The following CEP63 variants were observed in gnomAD, a reference collection of about 807,000 sequenced individuals.
CEP63 encodes the protein centrosomal protein of 63 kDa.
In CEP63, 84 loss-of-function variants were observed where a neutral mutation model predicts 89.1. The observed-to-expected ratio is 0.94, with a 90% confidence interval of 0.79 to 1.13. CEP63 has a LOEUF of 1.13. CEP63 is among the 50% of genes most tolerant of loss of function. The pLI is 0.00. For synonymous variants in CEP63, 267 were observed against 272.5 expected, an observed-to-expected ratio of 0.98 and a Z score of 0.20; for missense variants, 838 against 813.3, an observed-to-expected ratio of 1.03 and a Z score of -0.37.
chr3:134,539,912 C>T (rs551452729), intron 6 of CEP63, among the ~76,000 whole-genome samples: 16 of 152,106 alleles, frequency 1.1e-4, no homozygotes, highest in African/African-American at 3.6e-4. Flanking sequence ...AAGAGATTTA[C>T]GATGAATAAA....
At chr3:134,660,123 A>G in the CEP63 span, among the ~76,000 whole-genome samples, 2 of 152,218 alleles carry the variant, frequency 1.3e-5, no homozygotes, top group Non-Finnish European at 2.9e-5. Context: ...TAATTCACAG[A>G]GAAATATTGA....
At chr3:134,578,339 T>TG (rs1560077899), downstream of CEP63, among the ~76,000 whole-genome samples, 52 of 138,200 alleles carry the variant, frequency 3.8e-4, 1 homozygote, top group East Asian at 1.5e-3. Context: ...TTTTTTTTTT[T>TG]TTTTTTTTGA....
At chr3:134,734,668 C>T in the CEP63 span, among the ~76,000 whole-genome samples, 1,632 of 152,114 alleles carry the variant, frequency 0.011, 71 homozygotes, top group Admixed American at 0.079. Context: ...CAAGAAGAAA[C>T]AGAAAATCAA....
the CEP63 span, among the ~76,000 whole-genome samples, chr3:134,721,827 T>A: frequency 6.6e-6 from 1 of 152,140 alleles, no homozygotes; most frequent in South Asian, 2.1e-4. Context: ...ATCCCACTTG[T>A]GCATAGTATA....
chr3:134,561,804 A>G lies in CEP63; in HGVS notation c.*269A>G. On this transcript the variant is annotated 3_prime_UTR_variant, in exon 15 of 15. Coordinates refer to ENST00000675561, the MANE Select transcript of CEP63 (RefSeq NM_001353108.3). ...TACGAATATTTATTATCATAAAGTG[A>G]TACTTACCTTGCTGACTTAAATGTG... is the stretch of plus-strand genomic sequence containing the variant. 3 of 1,247,926 alleles carry G rather than the reference A, an allele frequency of 2.4e-6. No homozygotes were observed. Among genetic ancestry groups the G allele is most frequent in the South Asian group, 3.5e-5 (2 of 56,908 alleles). 77.3% of individuals were successfully genotyped at this position (1,247,926 alleles called of 1,614,324 possible). A position where few individuals can be genotyped will look rare whatever the true frequency, so the allele number is the denominator to read the frequency against.
chr3:134,568,834 T>C (rs1577486907), downstream of CEP63, among the ~76,000 whole-genome samples: 1 of 152,340 alleles, frequency 6.6e-6, no homozygotes, highest in East Asian at 1.9e-4. Context: ...TTAAGTGTTT[T>C]ATTAGTCCAT....
rs527554669 is a variant in CEP63 at position 134,520,062 on chromosome 3, T to G, written c.223-11783T>G. 5.9e-5 allele frequency among the ~76,000 whole-genome samples: 9 copies of G among 152,248 alleles called. No individual in the cohort carries two copies. The East Asian group carries it at 1.7e-3, about 29-fold the overall frequency. Reference sequence around the variant, plus strand: ...GTATCACCACTTTTTTTGTTGTTGTTATTGTAGTGGAGGTGTAGCTAGTGC... The same window carrying G: ...GTATCACCACTTTTTTTGTTGTTGTGATTGTAGTGGAGGTGTAGCTAGTGC... On this transcript the variant is annotated intron_variant, in intron 3 of 14. Coordinates refer to ENST00000675561, the MANE Select transcript of CEP63 (RefSeq NM_001353108.3).
chr3:134,701,907 C>A, the CEP63 span, among the ~76,000 whole-genome samples: 1 of 152,022 alleles, frequency 6.6e-6, no homozygotes, highest in Non-Finnish European at 1.5e-5. Flanking sequence ...ACAGTGAGAC[C>A]CTACATCCCT....
At chr3:134,738,158 A>G in the CEP63 span, among the ~76,000 whole-genome samples, 10 of 152,088 alleles carry the variant, frequency 6.6e-5, no homozygotes, top group African/African-American at 2.4e-4. Context: ...TTACTGAGTT[A>G]CTTCACTTAG....
chr3:134,653,531 A>C, the CEP63 span, among the ~76,000 whole-genome samples: 1 of 151,970 alleles, frequency 6.6e-6, no homozygotes, highest in African/African-American at 2.4e-5. Context: ...CTTAATGCCA[A>C]CTCTATTCCC....
chr3:134,606,776 A>G, the CEP63 span, among the ~76,000 whole-genome samples: 1 of 152,024 alleles, frequency 6.6e-6, no homozygotes, highest in East Asian at 1.9e-4. Flanking sequence ...CCACCCCTGC[A>G]GACCTCTATG....
At chr3:134,610,252 A>G in the CEP63 span, 3 of 1,613,946 alleles carry the variant, frequency 1.9e-6, no homozygotes, top group Non-Finnish European at 2.5e-6. Flanking sequence ...GGTGCTGTCC[A>G]CCAGGTGCCA....
intron 8 of CEP63, among the ~76,000 whole-genome samples, chr3:134,546,707 G>A (rs2109648212): frequency 6.6e-6 from 1 of 152,314 alleles, no homozygotes; most frequent in Admixed American, 6.5e-5. Flanking sequence ...TGATCATATT[G>A]TGGATTTTCT....
the CEP63 span, among the ~76,000 whole-genome samples, chr3:134,693,403 G>A: frequency 1.3e-5 from 2 of 151,844 alleles, no homozygotes; most frequent in Non-Finnish European, 2.9e-5. Context: ...TTGTGGAGCT[G>A]CCAAAAAAGT....
chr3:134,639,191 T>G, the CEP63 span, among the ~76,000 whole-genome samples: 1 of 152,080 alleles, frequency 6.6e-6, no homozygotes, highest in Non-Finnish European at 1.5e-5. Context: ...ATGCTGTGAT[T>G]CCACCCAGGA....
chr3:134,625,057 G>A, the CEP63 span: 7 of 1,595,566 alleles, frequency 4.4e-6, no homozygotes, highest in Non-Finnish European at 6.0e-6. Flanking sequence ...TCCTACCTGT[G>A]AGGCGTAGAT....
chr3:134,680,327 G>A, the CEP63 span, among the ~76,000 whole-genome samples: 1 of 152,190 alleles, frequency 6.6e-6, no homozygotes, highest in Non-Finnish European at 1.5e-5. Flanking sequence ...TTTTTAAATA[G>A]TCCTAGTCTT....
chr3:134,727,133 A>G, the CEP63 span, among the ~76,000 whole-genome samples: 1 of 152,026 alleles, frequency 6.6e-6, no homozygotes, highest in South Asian at 2.1e-4. Context: ...AAATAAAAAT[A>G]TTGCCACCAT....
downstream of CEP63, among the ~76,000 whole-genome samples, chr3:134,592,487 TG>T (rs1958618010): frequency 1.3e-5 from 2 of 150,220 alleles, no homozygotes; most frequent in African/African-American, 4.9e-5. Flanking sequence ...TGTGTGTGTG[TG>T]TGTGTGTGTG....
Sources: gnomAD v4.1 joint callset for allele counts (sites outside exome capture counted in the v4.1 genomes callset) on GRCh38, gnomAD v4.1.1 for gene constraint, MANE v1.5 for transcripts, NCBI Gene and HGNC (gene_info 2026-07-23, HGNC 2026-07-21) for gene names.